OR2C1: variants seen among roughly 807,000 people sequenced by gnomAD.
OR2C1 encodes olfactory receptor 2C1.
For synonymous variants in OR2C1, 209 were observed against 167.3 expected, an observed-to-expected ratio of 1.25 and a Z score of -1.92; for missense variants, 468 against 388.3, an observed-to-expected ratio of 1.21 and a Z score of -1.73.
upstream of OR2C1, among the ~76,000 whole-genome samples, chr16:3,353,816 A>G (rs1381475858): frequency 6.6e-6 from 1 of 151,406 alleles, no homozygotes; most frequent in Admixed American, 6.6e-5. Context: ...AAGAGAAAGA[A>G]GGAAGGAAGG....
Position 3,356,009 on chromosome 16 carries a change from G to C in OR2C1, c.69G>C (p.Leu23=). The C allele has an allele frequency of 6.2e-7, 1 of 1,614,052 alleles. No individual in the cohort carries two copies. The highest frequency in any genetic ancestry group is 8.5e-7 in the Non-Finnish European group (1 of 1,179,946). Residue 23 remains leucine, a synonymous_variant, in exon 1 of 1, where the codon CTG becomes CTC. Transcript: ENST00000304936. ...VLMGISDHPQ[L]EMIFFIAILF... ...TGGGCATATCAGACCATCCCCAGCTGGAGATGATCTTTTTTATAGCCATCC... is the reference window on the plus strand; with the variant it reads ...TGGGCATATCAGACCATCCCCAGCTCGAGATGATCTTTTTTATAGCCATCC...
the OR2C1 span, among the ~76,000 whole-genome samples, chr16:3,332,375 C>T: frequency 5.3e-5 from 8 of 152,088 alleles, no homozygotes; most frequent in East Asian, 5.8e-4. Flanking sequence ...GGATTACAGA[C>T]GTTCTTCTAG....
the OR2C1 span, among the ~76,000 whole-genome samples, chr16:3,333,577 C>T: frequency 6.6e-6 from 1 of 152,100 alleles, no homozygotes; most frequent in Non-Finnish European, 1.5e-5. Flanking sequence ...CCTCGTGATC[C>T]GCCCGGCTCG....
chr16:3,333,612 G>A, the OR2C1 span, among the ~76,000 whole-genome samples: 1 of 152,194 alleles, frequency 6.6e-6, no homozygotes, highest in Admixed American at 6.5e-5. Flanking sequence ...TGGGATTACA[G>A]GCGTGGGCCA....
chr16:3,346,278 G>T, the OR2C1 span, among the ~76,000 whole-genome samples: 1 of 152,106 alleles, frequency 6.6e-6, no homozygotes, highest in Non-Finnish European at 1.5e-5. Flanking sequence ...ACTAAGACAT[G>T]ACTAGGAATG....
rs760092158 is a variant in OR2C1, at chr16:3,355,974, T to C, written c.34T>C (p.Phe12Leu). 3 of 1,613,476 alleles carry C rather than the reference T, an allele frequency of 1.9e-6. No individual in the cohort carries two copies. The East Asian group carries it at 6.7e-5, about 36-fold the overall frequency. The change falls in exon 1 of 1, where the codon TTT becomes CTT. Residue 12 changes from phenylalanine (F) to leucine (L), a missense_variant. By Grantham distance (22) the Phe-to-Leu change is conservative (BLOSUM62 0). Transcript: ENST00000304936. ...GGTGAATGATAGCTCCTTGCAGGGC[T>C]TTGTTCTGATGGGCATATCAGACCA... is the stretch of plus-strand genomic sequence containing the variant. ...DGVNDSSLQG[F>L]VLMGISDHPQ...
At chr16:3,354,889 T>A (rs1567285915), upstream of OR2C1, among the ~76,000 whole-genome samples, 1 of 152,090 alleles carries the variant, frequency 6.6e-6, no homozygotes, top group Non-Finnish European at 1.5e-5. Flanking sequence ...CTCAGCCTCT[T>A]AAAATGCTGG....
In OR2C1 at chr16:3,356,078, C is replaced by G. The variant is rs1292609760; in HGVS notation, c.138C>G (p.Ile46Met). Residue 46 changes from isoleucine to methionine, a missense_variant, in exon 1 of 1, where the codon ATC (isoleucine) becomes ATG (methionine). Coordinates refer to ENST00000304936, the MANE Select transcript of OR2C1 (RefSeq NM_012368.3). ...CCCTACTTGGGAACTCAACCATCATCTTGCTTTCCCGCCTGGAGGCCCGGC... is the reference window on the plus strand; with the variant it reads ...CCCTACTTGGGAACTCAACCATCATGTTGCTTTCCCGCCTGGAGGCCCGGC... ...LLTLLGNSTI[I>M]LLSRLEARLH... 16 of 1,614,084 alleles carry G rather than the reference C, an allele frequency of 9.9e-6. No homozygotes were observed. Among genetic ancestry groups the G allele is most frequent in the Non-Finnish European group, 1.4e-5 (16 of 1,180,050 alleles).
chr16:3,342,977 G>T, the OR2C1 span, among the ~76,000 whole-genome samples: 1 of 152,128 alleles, frequency 6.6e-6, no homozygotes, highest in South Asian at 2.1e-4. Flanking sequence ...AATCCAAGAA[G>T]GTTACATACT....
chr16:3,352,581 A>G (rs752593063), upstream of OR2C1, among the ~76,000 whole-genome samples: 8 of 152,030 alleles, frequency 5.3e-5, no homozygotes, highest in South Asian at 1.5e-3. Flanking sequence ...TCCTTAATTG[A>G]CTTTTTCTAA....
chr16:3,330,412 G>A, the OR2C1 span, among the ~76,000 whole-genome samples: 63 of 152,198 alleles, frequency 4.1e-4, no homozygotes, highest in African/African-American at 1.3e-3. Context: ...CACCATGCCC[G>A]GCTGATTTTA....
chr16:3,345,550 A>G, the OR2C1 span, among the ~76,000 whole-genome samples: 1 of 152,094 alleles, frequency 6.6e-6, no homozygotes, highest in East Asian at 1.9e-4. Flanking sequence ...AAGGATACAC[A>G]TACACATGGT....
the OR2C1 span, among the ~76,000 whole-genome samples, chr16:3,328,817 G>C: frequency 6.6e-6 from 1 of 152,154 alleles, no homozygotes; most frequent in South Asian, 2.1e-4. Context: ...GTTGCCAGAA[G>C]TACTATGCTC....
the OR2C1 span, among the ~76,000 whole-genome samples, chr16:3,324,209 G>A: frequency 6.6e-6 from 1 of 151,918 alleles, no homozygotes; most frequent in Non-Finnish European, 1.5e-5. Context: ...TTTATTTTTT[G>A]GAGACAGAGC....
At chr16:3,355,457 C>CAAAAAAAAAAAAAAAAAAAAAAAAAAAAA (rs56022625), upstream of OR2C1, among the ~76,000 whole-genome samples, 8 of 45,504 alleles carry the variant, frequency 1.8e-4, no homozygotes, top group African/African-American at 5.5e-4. Context: ...GACTCTGTCT[C>CAAAAAAAAAAAAAAAAAAAAAAAAAAAAA]AAAAAAAAAA....
At chr16:3,339,444 C>T in the OR2C1 span, among the ~76,000 whole-genome samples, 2 of 152,040 alleles carry the variant, frequency 1.3e-5, no homozygotes, top group Non-Finnish European at 2.9e-5. Context: ...CTGTTTTCTA[C>T]AGTGGCTGAA....
chr16:3,353,951 TTTTG>T (rs995672370), upstream of OR2C1, among the ~76,000 whole-genome samples: 10 of 151,294 alleles, frequency 6.6e-5, no homozygotes, highest in East Asian at 3.9e-4. Context: ...GAGATGGGTT[TTTTG>T]TTTGTTTGTT....
chr16:3,325,403 G>C, the OR2C1 span, among the ~76,000 whole-genome samples: 1 of 149,738 alleles, frequency 6.7e-6, no homozygotes, highest in East Asian at 2.0e-4. Flanking sequence ...ACAAGTATGA[G>C]CCATCACACC....
At chr16:3,337,236 C>T in the OR2C1 span, among the ~76,000 whole-genome samples, 2 of 151,716 alleles carry the variant, frequency 1.3e-5, no homozygotes, top group African/African-American at 2.4e-5. Context: ...CTCACTGCAA[C>T]CTGCACCTCC....
Sources: allele counts gnomAD v4.1 joint callset (sites outside exome capture counted in the v4.1 genomes callset), GRCh38; gene constraint gnomAD v4.1.1; transcripts MANE v1.5; gene names NCBI Gene and HGNC (gene_info 2026-07-23, HGNC 2026-07-21).